RAD51B: variants seen among roughly 807,000 people sequenced by gnomAD.
The protein encoded by RAD51B is DNA repair protein RAD51 homolog 2.
In RAD51B, 38 loss-of-function variants were observed where a neutral mutation model predicts 42.2. That is an observed-to-expected ratio of 0.90 (90% CI 0.70 to 1.18). RAD51B has a LOEUF of 1.18. RAD51B is among the 50% of genes most tolerant of loss of function. The probability of loss-of-function intolerance (pLI) is 0.00; values close to 1 mark genes in which losing one functional copy is unlikely to be tolerated. For synonymous variants in RAD51B, 154 were observed against 145.2 expected, an observed-to-expected ratio of 1.06 and a Z score of -0.43; for missense variants, 373 against 400.7, an observed-to-expected ratio of 0.93 and a Z score of 0.59.
intron 8 of RAD51B, among the ~76,000 whole-genome samples, chr14:68,322,712 G>A (rs1197090822): frequency 6.6e-6 from 1 of 152,140 alleles, no homozygotes; most frequent in Non-Finnish European, 1.5e-5. Flanking sequence ...CTGTGGAAAG[G>A]CCATTGTCTC....
rs74059311 is a variant in RAD51B, at chr14:68,412,200, A to G, written c.957+673A>G. On this transcript the variant is annotated intron_variant, in intron 9 of 10. Coordinates refer to ENST00000471583, the MANE Select transcript of RAD51B (RefSeq NM_133510.4). ...CACCACTGTCTGACCTCTTTGGTAA[A>G]GCTTTGGTAAAATGTTTCATAATAA... Among the ~76,000 whole-genome samples, 420 of 152,328 alleles carry G rather than the reference A, an allele frequency of 2.8e-3. 3 individuals are homozygous for G. The highest frequency in any genetic ancestry group is 0.014 in the Middle Eastern group (4 of 294).
At position 68,072,135 on chromosome 14, in the gene RAD51B, T is replaced by C. The variant is rs1049792361; in HGVS notation, c.756+184931T>C. On this transcript the variant is annotated intron_variant, in intron 7 of 10. Coordinates refer to ENST00000471583, the MANE Select transcript of RAD51B (RefSeq NM_133510.4). ...AAAAATATATAAAATATATATATAA[T>C]TATATATATATTTTATATATATTTT... Among the ~76,000 whole-genome samples the C allele has an allele frequency of 4.3e-3, 569 of 131,050 alleles. 3 individuals are homozygous for C. Among genetic ancestry groups the C allele is most frequent in the Non-Finnish European group, 7.5e-3 (467 of 62,540 alleles). The allele number at this position is 131,050 out of a possible 152,430, so 86.0% of individuals were successfully genotyped here.
chr14:68,238,133 T>A (rs1057117570), intron 7 of RAD51B, among the ~76,000 whole-genome samples: 31 of 152,182 alleles, frequency 2.0e-4, no homozygotes, highest in African/African-American at 7.5e-4. Context: ...CATTTTACAT[T>A]CCCACCATCA....
intron 7 of RAD51B, among the ~76,000 whole-genome samples, chr14:68,246,032 TA>T (rs760699801): frequency 6.6e-6 from 1 of 152,302 alleles, no homozygotes; most frequent in East Asian, 1.9e-4. Context: ...CCCCTCCTTT[TA>T]AAAAGCTCTG....
At chr14:68,114,266 T>TTA (rs1024674336) in intron 7 of RAD51B, 187 of 152,226 alleles carry the variant, frequency 1.2e-3, no homozygotes, top group African/African-American at 4.3e-3. Flanking sequence ...TGGTACTAGA[T>TTA]TATATATATT....
At chr14:68,126,354 AAG>A (rs1351274310) in intron 7 of RAD51B, among the ~76,000 whole-genome samples, 1 of 152,204 alleles carries the variant, frequency 6.6e-6, no homozygotes, top group Admixed American at 6.5e-5. Context: ...TGCCAAAAAA[AAG>A]TCTCATACTC....
chr14:68,203,315 G>A (rs945107684), intron 7 of RAD51B, among the ~76,000 whole-genome samples: 21 of 152,118 alleles, frequency 1.4e-4, no homozygotes, highest in African/African-American at 5.1e-4. Flanking sequence ...ATCTCCATCA[G>A]AGCTCTTGGG....
At chr14:68,224,700 C>CT (rs201035652) in intron 7 of RAD51B, among the ~76,000 whole-genome samples, 328 of 148,806 alleles carry the variant, frequency 2.2e-3, no homozygotes, top group Middle Eastern at 0.014. Flanking sequence ...AAAAGCTATT[C>CT]TTTTTTTTTT....
chr14:68,416,855 A>C (rs2084573520), intron 9 of RAD51B, among the ~76,000 whole-genome samples: 1 of 152,194 alleles, frequency 6.6e-6, no homozygotes. Context: ...AGGGTTCTGC[A>C]GCTGCTTTCA....
At chr14:68,068,842 G>A (rs531448392) in intron 7 of RAD51B, among the ~76,000 whole-genome samples, 16 of 152,216 alleles carry the variant, frequency 1.1e-4, no homozygotes, top group Non-Finnish European at 2.2e-4. Flanking sequence ...TTGGAGAATG[G>A]AAGATGGGAA....
intron 7 of RAD51B, among the ~76,000 whole-genome samples, chr14:68,068,445 T>G (rs189299570): frequency 8.5e-5 from 13 of 152,326 alleles, no homozygotes; most frequent in African/African-American, 3.1e-4. Context: ...CAGCACTTTA[T>G]TTTTATGACT....
intron 4 of RAD51B, among the ~76,000 whole-genome samples, chr14:67,861,139 G>A (rs991109587): frequency 6.6e-6 from 1 of 152,168 alleles, no homozygotes; most frequent in African/African-American, 2.4e-5. Flanking sequence ...GCTGCAGTGA[G>A]CCGTGATCAT....
chr14:68,421,618 G>A (rs1167481587), intron 9 of RAD51B: 12 of 1,128,288 alleles, frequency 1.1e-5, no homozygotes, highest in Non-Finnish European at 1.4e-5. Context: ...CTAGGATACT[G>A]CGAGCAAACG....
chr14:67,938,624 A>G (rs185953778), intron 7 of RAD51B, among the ~76,000 whole-genome samples: 13 of 152,338 alleles, frequency 8.5e-5, no homozygotes, highest in Admixed American at 6.5e-5. Context: ...GGGGCTTCTC[A>G]GTCATTTTGT....
intron 7 of RAD51B, among the ~76,000 whole-genome samples, chr14:68,054,846 G>A (rs866469726): frequency 3.9e-5 from 6 of 152,128 alleles, no homozygotes; most frequent in East Asian, 1.9e-4. Context: ...GGTGGGGGGC[G>A]GTTGGTCTTG....
chr14:68,562,925 C>G, intron 10 of RAD51B: 1 of 985,446 alleles, frequency 1.0e-6, no homozygotes, highest in Non-Finnish European at 1.2e-6. Context: ...CACATCCAAA[C>G]ATGGACCATG....
intron 7 of RAD51B, among the ~76,000 whole-genome samples, chr14:68,264,142 C>A (rs1566769166): frequency 6.6e-6 from 1 of 152,202 alleles, no homozygotes; most frequent in African/African-American, 2.4e-5. Context: ...TCTAGGAACT[C>A]CTATTGCTTA....
intron 7 of RAD51B, among the ~76,000 whole-genome samples, chr14:67,969,135 C>G (rs944272719): frequency 2.0e-5 from 3 of 152,170 alleles, no homozygotes; most frequent in Admixed American, 2.0e-4. Context: ...TTCAAACCAT[C>G]TCCCACTGGG....
chr14:67,832,918 T>C (rs1850314150), intron 3 of RAD51B, among the ~76,000 whole-genome samples: 1 of 152,234 alleles, frequency 6.6e-6, no homozygotes, highest in Non-Finnish European at 1.5e-5. Flanking sequence ...GGTAAAATTT[T>C]AATATCCCAG....
Sources: allele counts gnomAD v4.1 joint callset (sites outside exome capture counted in the v4.1 genomes callset), GRCh38; gene constraint gnomAD v4.1.1; transcripts MANE v1.5; gene names NCBI Gene and HGNC (gene_info 2026-07-23, HGNC 2026-07-21).